Variants in MAPT observed in about 807,000 individuals in gnomAD.
MAPT encodes microtubule-associated protein tau.
MAPT carries 34 observed loss-of-function variants against 67.9 expected under a neutral mutation model. The observed-to-expected ratio is 0.50, with a 90% CI of 0.38 to 0.67. The LOEUF is 0.67. Among genes scored for constraint, MAPT ranks in the 30% least tolerant of loss-of-function variants. The pLI is 0.00. For synonymous variants in MAPT, 456 were observed against 464.5 expected, an observed-to-expected ratio of 0.98 and a Z score of 0.23; for missense variants, 881 against 1,115.2, an observed-to-expected ratio of 0.79 and a Z score of 2.99.
intron 12 of MAPT, among the ~76,000 whole-genome samples, chr17:46,022,518 C>T (rs971027064): frequency 1.3e-5 from 2 of 152,280 alleles, no homozygotes; most frequent in South Asian, 2.1e-4. Flanking sequence ...CTTCACCCCG[C>T]ATCCATGGAC....
In MAPT at chr17:45,974,361, A is replaced by G. The variant is rs2072076717; in HGVS notation, c.220+2416A>G. 1.9e-6 allele frequency: 3 copies of G among 1,550,170 alleles called. No individual in the cohort carries two copies. The East Asian group carries it at 7.0e-5, about 36-fold the overall frequency. The stretch of plus-strand genomic sequence containing the variant: ...GGGTATGGCTCGTCCTGGCCCCTCT[A>G]AGGTGGATCTCGGTGGTTTCTAGAT... On this transcript the variant is annotated intron_variant, in intron 3 of 12. Transcript: ENST00000262410.
At position 45,996,583 on chromosome 17, in the gene MAPT, C is replaced by T. The variant is rs563586090; in HGVS notation, c.1917C>T (p.Pro639=). The change falls in exon 9 of 13, where the codon CCC becomes CCT. Residue 639 remains proline, a synonymous_variant. Transcript: ENST00000262410. This position sits in a 1 kb window ranked among gnomAD's most constrained non-coding sequence, Gnocchi z 4.5. ...SSAKSRLQTA[P]VPMPDLKNVK... is the part of the protein sequence containing the mutation. ...CCAAGAGCCGCCTGCAGACAGCCCCCGTGCCCATGCCAGACCTGAAGAATG... is the reference window on the plus strand; with the variant it reads ...CCAAGAGCCGCCTGCAGACAGCCCCTGTGCCCATGCCAGACCTGAAGAATG... 12 of 1,613,904 alleles carry T rather than the reference C, an allele frequency of 7.4e-6. No homozygotes were observed. Among genetic ancestry groups the T allele is most frequent in the East Asian group, 4.5e-5 (2 of 44,868 alleles).
Position 45,983,078 on chromosome 17 carries a change from C to T in MAPT, c.499C>T (p.Pro167Ser). ...VCPAPPPTGG[P>S]QEPSLEWGQK... Reference sequence around the variant, plus strand: ...CCCAGCGCCTCCTCCAACAGGAGGCCCTCAGGAGCCCTCCCTGGAGTGGGG... The same window carrying T: ...CCCAGCGCCTCCTCCAACAGGAGGCTCTCAGGAGCCCTCCCTGGAGTGGGG... The change falls in exon 5 of 13, where the codon CCT becomes TCT. Residue 167 changes from proline to serine, a missense_variant. Around this residue, in one of 6 missense-constraint regions of MAPT, gnomAD observed 687 missense variants for 766.1 expected, o/e 0.90. Transcript: ENST00000262410. The T allele has an allele frequency of 6.5e-7, 1 of 1,540,596 alleles. No homozygotes were observed. Among genetic ancestry groups the T allele is most frequent in the Non-Finnish European group, 8.8e-7 (1 of 1,139,536 alleles).
intron 1 of MAPT, among the ~76,000 whole-genome samples, chr17:45,907,065 C>T (rs2064363093): frequency 6.6e-6 from 1 of 152,188 alleles, no homozygotes; most frequent in Admixed American, 6.5e-5. Context: ...TGCCCTGGCC[C>T]TCTCCAAGTG....
intron 1 of MAPT, among the ~76,000 whole-genome samples, chr17:45,904,195 TTA>T (rs1434535717): frequency 2.9e-4 from 12 of 41,472 alleles, no homozygotes; most frequent in Admixed American, 1.4e-3. Flanking sequence ...ATTGTATATA[TTA>T]TATATCTAAT....
chr17:45,968,219 C>A (rs75691066), intron 2 of MAPT, among the ~76,000 whole-genome samples: 21,981 of 150,446 alleles, frequency 0.15, 2,120 homozygotes, highest in Non-Finnish European at 0.22. Flanking sequence ...CAAAAAAAAA[C>A]CCCACCATTC....
In MAPT at chr17:45,972,583, C is replaced by A. The variant is rs1235149322; in HGVS notation, c.220+638C>A. Among the ~76,000 whole-genome samples, 3 of 152,222 alleles carry A rather than the reference C, an allele frequency of 2.0e-5. No individual in the cohort carries two copies. The East Asian group carries it at 5.8e-4, about 29-fold the overall frequency. On this transcript the variant is annotated intron_variant, in intron 3 of 12. Transcript: ENST00000262410. ...AAACCCCAACTAACTGTGGCATTTA[C>A]ATGAAGAGGTTTACTTTTCTCACAT...
rs978232773 is a variant in MAPT, at chr17:46,010,192, G to A, written c.1999-118G>A. 21 of 742,128 alleles carry A rather than the reference G, an allele frequency of 2.8e-5. No homozygotes were observed. The highest frequency in any genetic ancestry group is 1.4e-4 in the African/African-American group (8 of 57,824). 46.0% of individuals were successfully genotyped at this position (742,128 alleles called of 1,614,324 possible). A position where few individuals can be genotyped will look rare whatever the true frequency, so the allele number is the denominator to read the frequency against. On this transcript the variant is annotated intron_variant, in intron 9 of 12. Transcript: ENST00000262410. This position sits in a 1 kb window ranked among gnomAD's most constrained non-coding sequence, Gnocchi z 4.7. ...AGTCCGAAAGTGGAGGCATCCTTGCGAGCAAGTAGGCGGGTCCAGGGTGGC... is the reference window on the plus strand; with the variant it reads ...AGTCCGAAAGTGGAGGCATCCTTGCAAGCAAGTAGGCGGGTCCAGGGTGGC...
chr17:45,917,853 A>C (rs1170302403), intron 1 of MAPT, among the ~76,000 whole-genome samples: 1 of 151,454 alleles, frequency 6.6e-6, no homozygotes, highest in Non-Finnish European at 1.5e-5. Context: ...AGTTCACTGC[A>C]ACCTCCGCCT....
chr17:45,919,443 C>T (rs1347704353), intron 1 of MAPT, among the ~76,000 whole-genome samples: 2 of 152,246 alleles, frequency 1.3e-5, no homozygotes, highest in Non-Finnish European at 2.9e-5. Flanking sequence ...TGTGGAGAAC[C>T]GTGGTCAGTT....
At position 46,026,649 on chromosome 17, in the gene MAPT, T is replaced by A. The variant is rs1322635153; in HGVS notation, c.*2478T>A. 1 of 152,144 alleles carries A rather than the reference T, an allele frequency of 6.6e-6. No homozygotes were observed. The highest frequency in any genetic ancestry group is 1.5e-5 in the Non-Finnish European group (1 of 68,066). 9.4% of individuals were successfully genotyped at this position (152,144 alleles called of 1,614,324 possible). On this transcript the variant is annotated 3_prime_UTR_variant, in exon 13 of 13. Coordinates refer to ENST00000262410, the MANE Select transcript of MAPT (RefSeq NM_001377265.1). ...AGGGCCCTGCGACCACAGCAGGGAT[T>A]GGGATGAATTGCCTGTCCTGGATCT...
chr17:45,967,002 C>T (rs780395881), intron 2 of MAPT, among the ~76,000 whole-genome samples: 30 of 152,250 alleles, frequency 2.0e-4, no homozygotes, highest in South Asian at 4.2e-4. Context: ...GTTTTGATGT[C>T]GGGTGTGACA....
chr17:45,939,785 T>TG (rs775293193), intron 1 of MAPT, among the ~76,000 whole-genome samples: 4 of 152,146 alleles, frequency 2.6e-5, no homozygotes, highest in Non-Finnish European at 5.9e-5. Flanking sequence ...CCAGTGTCCT[T>TG]GGGGCTACGT....
intron 1 of MAPT, chr17:45,898,760 TA>T (rs1442153100): frequency 1.3e-5 from 2 of 151,986 alleles, no homozygotes; most frequent in East Asian, 3.9e-4. Context: ...CAAAAACAAA[TA>T]AAAACAGCCG....
At chr17:46,006,498 T>C (rs2075421992) in intron 9 of MAPT, among the ~76,000 whole-genome samples, 1 of 152,028 alleles carries the variant, frequency 6.6e-6, no homozygotes, top group Non-Finnish European at 1.5e-5. Context: ...TTAGCATGCA[T>C]AGATCTAGTA....
intron 5 of MAPT, among the ~76,000 whole-genome samples, chr17:45,985,231 G>A (rs2073421466): frequency 6.6e-6 from 1 of 152,136 alleles, no homozygotes; most frequent in Non-Finnish European, 1.5e-5. Flanking sequence ...CTTGAACCCA[G>A]GAGGCAGAGG....
At chr17:45,917,585 T>C (rs940090877) in intron 1 of MAPT, among the ~76,000 whole-genome samples, 3 of 152,110 alleles carry the variant, frequency 2.0e-5, no homozygotes, top group Non-Finnish European at 4.4e-5. Context: ...CTTCCCTCAG[T>C]ATGCTAAATA....
Position 45,962,320 on chromosome 17 carries a change from G to A in MAPT, c.-17-1G>A. The A allele has an allele frequency of 6.2e-7, 1 of 1,611,574 alleles. No homozygotes were observed. The highest frequency in any genetic ancestry group is 8.5e-7 in the Non-Finnish European group (1 of 1,179,634). On this transcript the variant is annotated splice_acceptor_variant, in intron 1 of 12. Transcript: ENST00000262410. LOFTEE classifies it low-confidence loss of function (5UTR_SPLICE). ...CTTATCCTCTCCTCTTCTTTCCCCA[G>A]GTGAACTTTGAACCAGGATGGCTGA...
chr17:45,995,102 C>T lies in MAPT; in HGVS notation c.1733-1297C>T, dbSNP rs993975514. Among the ~76,000 whole-genome samples, 21 of 152,102 alleles carry T rather than the reference C, an allele frequency of 1.4e-4. No individual in the cohort carries two copies. The highest frequency in any genetic ancestry group is 1.2e-3 in the Admixed American group (19 of 15,256). On this transcript the variant is annotated intron_variant, in intron 8 of 12. Transcript: ENST00000262410. This position sits in a 1 kb window ranked among gnomAD's most constrained non-coding sequence, Gnocchi z 4.3. ...CAACAAAAGAAAACTAGTGCTTATT[C>T]GTCACTGGCCAAGCTGCCCATTGGC...
Sources: allele counts gnomAD v4.1 joint callset (sites outside exome capture counted in the v4.1 genomes callset), GRCh38; gene constraint gnomAD v4.1.1; regional missense constraint gnomAD v4.1.1; non-coding constraint Gnocchi (gnomAD v3.1); transcripts MANE v1.5; gene names NCBI Gene and HGNC (gene_info 2026-07-23, HGNC 2026-07-21).